Variants in GALNTL5 observed in about 807,000 individuals in gnomAD.
The protein encoded by GALNTL5 is polypeptide N-acetylgalactosaminyltransferase like 5.
In GALNTL5, 44 loss-of-function variants were observed where a neutral mutation model predicts 51.0. The ratio of observed to expected loss-of-function variants is 0.86; its 90% confidence interval spans 0.68 to 1.11. The LOEUF (loss-of-function observed/expected upper bound fraction) is 1.11. Among genes scored for constraint, GALNTL5 ranks in the 50% least tolerant of loss-of-function variants. The probability of loss-of-function intolerance (pLI) is 0.00; values close to 1 mark genes in which losing one functional copy is unlikely to be tolerated. For synonymous variants in GALNTL5, 192 were observed against 182.8 expected (o/e 1.05, Z -0.41); for missense variants, 528 against 531.8 (o/e 0.99, Z 0.07).
chr7:151,974,371 G>A (rs1481152565), intron 3 of GALNTL5, among the ~76,000 whole-genome samples: 5 of 152,142 alleles, frequency 3.3e-5, no homozygotes, highest in African/African-American at 4.8e-5. Context: ...GTGCTAATGC[G>A]TTTTTAGCAT....
At chr7:151,993,256 T>C (rs930716729) in intron 5 of GALNTL5, among the ~76,000 whole-genome samples, 1 of 150,238 alleles carries the variant, frequency 6.7e-6, no homozygotes, top group East Asian at 2.0e-4. Flanking sequence ...AAAAGGAAGA[T>C]GCGTTTATGA....
intron 5 of GALNTL5, among the ~76,000 whole-genome samples, chr7:151,995,993 A>G (rs2081494496): frequency 6.6e-6 from 1 of 152,170 alleles, no homozygotes; most frequent in Non-Finnish European, 1.5e-5. Flanking sequence ...CCACCAGATT[A>G]TGAGGATGTA....
chr7:151,990,013 T>C (rs1243700502), intron 5 of GALNTL5, among the ~76,000 whole-genome samples: 3 of 152,152 alleles, frequency 2.0e-5, no homozygotes. Flanking sequence ...TTTCTTCTCC[T>C]CTGGGGTTGT....
intron 5 of GALNTL5, among the ~76,000 whole-genome samples, chr7:151,996,359 TC>T (rs886261392): frequency 1.4e-5 from 2 of 141,090 alleles, no homozygotes; most frequent in Non-Finnish European, 3.1e-5. Context: ...CCCTCCCCAC[TC>T]CCCCCACCCC....
chr7:151,969,458 G>A (rs907267473), intron 2 of GALNTL5, among the ~76,000 whole-genome samples: 1 of 152,180 alleles, frequency 6.6e-6, no homozygotes, highest in Admixed American at 6.5e-5. Context: ...AATAGTCAAA[G>A]TGAGACTTTT....
chr7:151,992,585 A>G (rs1287913436), intron 5 of GALNTL5, among the ~76,000 whole-genome samples: 1 of 151,974 alleles, frequency 6.6e-6, no homozygotes. Flanking sequence ...CCCCCAACCG[A>G]ATCTCAGAAG....
chr7:151,989,622 A>G (rs184929220), intron 5 of GALNTL5, among the ~76,000 whole-genome samples: 2 of 152,338 alleles, frequency 1.3e-5, no homozygotes, highest in East Asian at 3.9e-4. Context: ...ATTGCTGGGA[A>G]TAAGGGAATT....
chr7:152,002,013 A>G (rs1381788947), intron 5 of GALNTL5, among the ~76,000 whole-genome samples: 2 of 152,194 alleles, frequency 1.3e-5, no homozygotes, highest in African/African-American at 4.8e-5. Flanking sequence ...TCTAAGCAGA[A>G]TAGGTCCCCA....
intron 1 of GALNTL5, among the ~76,000 whole-genome samples, chr7:151,963,462 A>G (rs534879902): frequency 6.6e-6 from 1 of 152,350 alleles, no homozygotes; most frequent in Admixed American, 6.5e-5. Flanking sequence ...CAGTGGCACA[A>G]TCTAGGCTCA....
intron 7 of GALNTL5, among the ~76,000 whole-genome samples, chr7:152,009,443 C>T (rs1468955812): frequency 6.6e-6 from 1 of 152,178 alleles, no homozygotes; most frequent in Non-Finnish European, 1.5e-5. Flanking sequence ...GACAATATTC[C>T]TGGTTTGCCT....
intron 1 of GALNTL5, among the ~76,000 whole-genome samples, chr7:151,964,946 T>G (rs1437089712): frequency 1.3e-5 from 2 of 152,324 alleles, no homozygotes; most frequent in East Asian, 3.9e-4. Flanking sequence ...AGAAGACAGA[T>G]GGACCCAGAC....
chr7:152,009,456 C>T (rs1382472603), intron 7 of GALNTL5, among the ~76,000 whole-genome samples: 1 of 152,164 alleles, frequency 6.6e-6, no homozygotes, highest in Non-Finnish European at 1.5e-5. Context: ...GTTTGCCTTC[C>T]ATTGCTCAGT....
intron 1 of GALNTL5, among the ~76,000 whole-genome samples, chr7:151,961,363 C>T (rs375069182): frequency 1.2e-4 from 18 of 151,944 alleles, no homozygotes; most frequent in South Asian, 1.0e-3. Flanking sequence ...AAAAACTAGC[C>T]GGGTGTGGTG....
At chr7:152,014,598 A>C in intron 7 of GALNTL5, 46 bp from the exon 8 acceptor site, 1 of 1,549,632 alleles carries the variant, frequency 6.5e-7, no homozygotes, top group Non-Finnish European at 8.7e-7. Flanking sequence ...GTTGCCTGTT[A>C]GCAGTAATAA....
At chr7:151,985,381 A>G (rs2081348750) in intron 4 of GALNTL5, among the ~76,000 whole-genome samples, 2 of 152,158 alleles carry the variant, frequency 1.3e-5, no homozygotes, top group South Asian at 2.1e-4. Flanking sequence ...TGACCCACAC[A>G]GAGCCTTAAA....
At chr7:152,008,013 G>A (rs1449828562) in intron 7 of GALNTL5, 69 bp downstream of exon 7, 3 of 857,180 alleles carry the variant, frequency 3.5e-6, no homozygotes, top group Non-Finnish European at 5.9e-6. Flanking sequence ...ACAATGCTGT[G>A]GTAATTATGC....
intron 3 of GALNTL5, among the ~76,000 whole-genome samples, chr7:151,982,234 G>A (rs757277437): frequency 1.1e-4 from 16 of 151,954 alleles, no homozygotes; most frequent in Non-Finnish European, 1.9e-4. Flanking sequence ...CCAACATGGT[G>A]AAACACTGTC....
At chr7:152,001,582 T>C (rs1008430319) in intron 5 of GALNTL5, among the ~76,000 whole-genome samples, 5 of 152,182 alleles carry the variant, frequency 3.3e-5, no homozygotes, top group Admixed American at 2.0e-4. Flanking sequence ...ACATGGTTTA[T>C]TTCTGGTTTC....
chr7:151,968,304 A>T (rs568730329), intron 2 of GALNTL5, among the ~76,000 whole-genome samples: 18 of 152,312 alleles, frequency 1.2e-4, no homozygotes, highest in Admixed American at 2.6e-4. Context: ...GCCTCAAAAA[A>T]AAATAAATAA....
Sources: allele counts gnomAD v4.1 joint callset (sites outside exome capture counted in the v4.1 genomes callset), GRCh38; gene constraint gnomAD v4.1.1; transcripts MANE v1.5; gene names NCBI Gene and HGNC (gene_info 2026-07-23, HGNC 2026-07-21).